The following PPP1R9A variants were observed in gnomAD, a reference collection of about 807,000 sequenced individuals.
The protein encoded by PPP1R9A is neurabin-1.
PPP1R9A carries 59 observed loss-of-function variants against 141.9 expected under a neutral mutation model. That is an observed-to-expected ratio of 0.42 (90% confidence interval 0.34 to 0.52). The LOEUF is 0.52. Among genes scored for constraint, PPP1R9A ranks in the 20% least tolerant of loss-of-function variants. PPP1R9A has a pLI of 0.10. For missense variants in PPP1R9A, 1,444 were observed against 1,611.9 expected (o/e 0.90, Z 1.78); for synonymous variants, 500 against 569.7 (o/e 0.88, Z 1.74).
At chr7:95,199,231 C>G (rs1242567171) in intron 6 of PPP1R9A, among the ~76,000 whole-genome samples, 1 of 152,104 alleles carries the variant, frequency 6.6e-6, no homozygotes, top group East Asian at 1.9e-4. Flanking sequence ...GGACAACATG[C>G]TTTATTATAA....
intron 7 of PPP1R9A, among the ~76,000 whole-genome samples, chr7:95,204,520 A>G (rs1790270252): frequency 6.6e-6 from 1 of 152,060 alleles, no homozygotes; most frequent in African/African-American, 2.4e-5. Flanking sequence ...AAGAATCACA[A>G]GGTGCTTGGA....
At chr7:95,268,010 G>A (rs1451394760) in intron 12 of PPP1R9A, among the ~76,000 whole-genome samples, 2 of 152,012 alleles carry the variant, frequency 1.3e-5, no homozygotes, top group Non-Finnish European at 2.9e-5. Flanking sequence ...AAGGAACAAG[G>A]TAGATTTTCA....
intron 4 of PPP1R9A, among the ~76,000 whole-genome samples, chr7:95,136,397 C>G (rs1825672179): frequency 6.6e-6 from 1 of 152,006 alleles, no homozygotes; most frequent in South Asian, 2.1e-4. Context: ...TTGAGACCAG[C>G]CTTGGCAACA....
At chr7:95,130,495 G>A (rs1378205230) in intron 4 of PPP1R9A, among the ~76,000 whole-genome samples, 1 of 152,174 alleles carries the variant, frequency 6.6e-6, no homozygotes, top group Non-Finnish European at 1.5e-5. Context: ...AGGGAAATGT[G>A]GGGTCAGAGC....
intron 3 of PPP1R9A, among the ~76,000 whole-genome samples, chr7:95,111,753 A>G (rs1322302619): frequency 6.6e-6 from 1 of 152,160 alleles, no homozygotes; most frequent in Non-Finnish European, 1.5e-5. Context: ...GTTTTGGTGG[A>G]TAATTGGAAA....
chr7:95,212,776 G>A (rs946436566), intron 7 of PPP1R9A, among the ~76,000 whole-genome samples: 3 of 152,174 alleles, frequency 2.0e-5, no homozygotes, highest in Non-Finnish European at 2.9e-5. Flanking sequence ...CTTAGGCCAA[G>A]TGGAAAGGTC....
At chr7:95,044,279 C>T (rs1019817427) in intron 2 of PPP1R9A, among the ~76,000 whole-genome samples, 1 of 152,220 alleles carries the variant, frequency 6.6e-6, no homozygotes, top group Admixed American at 6.5e-5. Flanking sequence ...GGACTTCCCT[C>T]TACTTTCTCC....
chr7:95,234,120 C>G (rs1051909583), intron 8 of PPP1R9A, among the ~76,000 whole-genome samples: 1 of 152,080 alleles, frequency 6.6e-6, no homozygotes, highest in African/African-American at 2.4e-5. Flanking sequence ...AAAACTGGAA[C>G]AAGACAAGGA....
intron 2 of PPP1R9A, among the ~76,000 whole-genome samples, chr7:94,973,134 C>T (rs1475072288): frequency 2.0e-5 from 3 of 152,018 alleles, no homozygotes; most frequent in African/African-American, 4.8e-5. Context: ...AGATTTTGTC[C>T]CTTGTCTTAA....
chr7:95,184,832 G>T (rs1423630894), intron 5 of PPP1R9A, among the ~76,000 whole-genome samples: 1 of 151,162 alleles, frequency 6.6e-6, no homozygotes, highest in African/African-American at 2.4e-5. Context: ...ATTCCATGCT[G>T]TATATATATG....
chr7:95,115,888 G>T (rs1445295029), intron 3 of PPP1R9A, among the ~76,000 whole-genome samples: 1 of 148,226 alleles, frequency 6.7e-6, no homozygotes, highest in Non-Finnish European at 1.5e-5. Context: ...CTGCACTCCA[G>T]CCTGGGTGAC....
intron 6 of PPP1R9A, among the ~76,000 whole-genome samples, chr7:95,200,972 G>A (rs923075013): frequency 6.6e-6 from 1 of 152,176 alleles, no homozygotes. Context: ...AACACACTGT[G>A]CTGTTTTTGA....
chr7:95,128,668 C>T (rs1287659338), intron 4 of PPP1R9A, among the ~76,000 whole-genome samples: 2 of 152,290 alleles, frequency 1.3e-5, no homozygotes, highest in South Asian at 2.1e-4. Context: ...CCTCTGCCTC[C>T]TGGGTTCAAG....
chr7:94,999,933 A>T (rs1194750693), intron 2 of PPP1R9A, among the ~76,000 whole-genome samples: 1 of 151,598 alleles, frequency 6.6e-6, no homozygotes, highest in Non-Finnish European at 1.5e-5. Context: ...TTCTGAGTAG[A>T]TGGGATTACA....
intron 5 of PPP1R9A, among the ~76,000 whole-genome samples, chr7:95,172,128 A>G (rs904170906): frequency 1.3e-4 from 19 of 151,648 alleles, no homozygotes; most frequent in African/African-American, 4.3e-4. Flanking sequence ...ATCTTAGTGA[A>G]GCCTGCAACT....
At chr7:95,176,862 G>A (rs1478915315) in intron 5 of PPP1R9A, among the ~76,000 whole-genome samples, 1 of 152,056 alleles carries the variant, frequency 6.6e-6, no homozygotes, top group East Asian at 1.9e-4. Context: ...CAAGAAGTCT[G>A]GGATTATGTT....
At chr7:95,017,764 A>C (rs1278699123) in intron 2 of PPP1R9A, among the ~76,000 whole-genome samples, 1 of 152,228 alleles carries the variant, frequency 6.6e-6, no homozygotes, top group African/African-American at 2.4e-5. Flanking sequence ...CACGATAGAG[A>C]ATCTAAAAGT....
At chr7:95,208,574 A>G (rs1791345952) in intron 7 of PPP1R9A, among the ~76,000 whole-genome samples, 1 of 151,844 alleles carries the variant, frequency 6.6e-6, no homozygotes, top group African/African-American at 2.4e-5. Flanking sequence ...AATGCAAAAA[A>G]TTAGCCGGGC....
rs57799059 is a variant in PPP1R9A at position 95,155,185 on chromosome 7, C to CTTTTTTT, written c.1650-6669_1650-6663dup. On this transcript the variant is annotated intron_variant, in intron 4 of 19. Transcript: ENST00000433360. ...TCTATTGCCTTTTTTTTCTTTTTTT[C>CTTTTTTT]TTTTTTTTTTTTTTTTTTTGAGACA... 9 of 119,484 alleles carry CTTTTTTT rather than the reference C, an allele frequency of 7.5e-5. No homozygotes were observed. The South Asian group carries it at 8.0e-4, about 11-fold the overall frequency. The allele number at this position is 119,484 out of a possible 1,614,324, so 7.4% of individuals were successfully genotyped here.
Sources: gnomAD v4.1 joint callset for allele counts (sites outside exome capture counted in the v4.1 genomes callset) on GRCh38, gnomAD v4.1.1 for gene constraint, MANE v1.5 for transcripts, NCBI Gene and HGNC (gene_info 2026-07-23, HGNC 2026-07-21) for gene names.